CALCRL: variants seen among roughly 807,000 people sequenced by gnomAD.
The protein encoded by CALCRL is calcitonin gene-related peptide type 1 receptor.
Under a neutral mutation model 60.4 loss-of-function variants are expected in CALCRL, and 27 were observed. The ratio of observed to expected loss-of-function variants is 0.45; its 90% confidence interval spans 0.33 to 0.62. The LOEUF (loss-of-function observed/expected upper bound fraction) is 0.62, where lower values mean the gene tolerates loss of function less well. CALCRL is among the 20% of genes least tolerant of loss of function. The pLI is 0.03. For synonymous variants in CALCRL, 190 were observed against 182.6 expected (o/e 1.04, Z -0.33); for missense variants, 424 against 540.7 (o/e 0.78, Z 2.14).
At chr2:187,433,494 T>C (rs1460011781) in intron 1 of CALCRL, among the ~76,000 whole-genome samples, 1 of 152,072 alleles carries the variant, frequency 6.6e-6, no homozygotes, top group Non-Finnish European at 1.5e-5. Flanking sequence ...TTAAATTATG[T>C]ACTAAAATGG....
chr2:187,428,057 C>T (rs1690228058), intron 1 of CALCRL, among the ~76,000 whole-genome samples: 1 of 152,134 alleles, frequency 6.6e-6, no homozygotes, highest in Non-Finnish European at 1.5e-5. Context: ...CAACTATATA[C>T]ACTAAAGAAG....
At chr2:187,353,229 C>T (rs1040660857) in intron 12 of CALCRL, among the ~76,000 whole-genome samples, 2 of 151,888 alleles carry the variant, frequency 1.3e-5, no homozygotes, top group African/African-American at 4.8e-5. Flanking sequence ...TTTCTCTATG[C>T]CCATTCCTTA....
At chr2:187,366,377 A>G (rs1687294058) in intron 8 of CALCRL, among the ~76,000 whole-genome samples, 1 of 152,058 alleles carries the variant, frequency 6.6e-6, no homozygotes. Flanking sequence ...GATAGTAAAA[A>G]TTAGAAAAAA....
chr2:187,390,497 C>G (rs1688390264), intron 1 of CALCRL, among the ~76,000 whole-genome samples: 1 of 117,306 alleles, frequency 8.5e-6, no homozygotes, highest in African/African-American at 2.8e-5. Context: ...TTCCAAACCC[C>G]ACATATTTGA....
At chr2:187,362,214 T>A (rs189427977) in intron 9 of CALCRL, among the ~76,000 whole-genome samples, 69 of 152,166 alleles carry the variant, frequency 4.5e-4, no homozygotes, top group Admixed American at 8.5e-4. Flanking sequence ...ATTAAACACA[T>A]CTTTGCGTAC....
At chr2:187,418,439 A>G (rs1432004756) in intron 1 of CALCRL, among the ~76,000 whole-genome samples, 4 of 152,196 alleles carry the variant, frequency 2.6e-5, no homozygotes, top group Non-Finnish European at 5.9e-5. Flanking sequence ...TATCTACTTA[A>G]TGACACTGTA....
At chr2:187,401,353 A>G (rs1005945983) in intron 1 of CALCRL, among the ~76,000 whole-genome samples, 2 of 151,680 alleles carry the variant, frequency 1.3e-5, no homozygotes, top group Admixed American at 1.3e-4. Context: ...ACAGCATATC[A>G]TGCATGTAAA....
chr2:187,343,511 A>C lies in CALCRL; in HGVS notation c.*2673T>G, dbSNP rs949756540. 1 of 152,004 alleles carries C rather than the reference A, an allele frequency of 6.6e-6. No homozygotes were observed. Among genetic ancestry groups the C allele is most frequent in the African/African-American group, 2.4e-5 (1 of 41,426 alleles). The allele number at this position is 152,004 out of a possible 1,614,324, so 9.4% of individuals were successfully genotyped here. Reference sequence around the variant, plus strand: ...AAATACAGCACTACAGCCACCACTAATTCTATATACATTGGATTACATTTA... The same window carrying C: ...AAATACAGCACTACAGCCACCACTACTTCTATATACATTGGATTACATTTA... On this transcript the variant is annotated 3_prime_UTR_variant, in exon 15 of 15. Transcript: ENST00000392370.
chr2:187,433,733 T>G (rs1690500979), intron 1 of CALCRL, among the ~76,000 whole-genome samples: 1 of 152,036 alleles, frequency 6.6e-6, no homozygotes, highest in South Asian at 2.1e-4. Flanking sequence ...GTTGCCATGG[T>G]GAAATATAAC....
At chr2:187,442,620 A>G (rs1690971139) in intron 1 of CALCRL, among the ~76,000 whole-genome samples, 1 of 151,900 alleles carries the variant, frequency 6.6e-6, no homozygotes, top group Non-Finnish European at 1.5e-5. Context: ...AAAAATGGTC[A>G]AAAACAACTT....
At chr2:187,380,864 C>T in intron 5 of CALCRL, 77 bp from the exon 6 acceptor site, 1 of 1,115,000 alleles carries the variant, frequency 9.0e-7, no homozygotes, top group Non-Finnish European at 1.3e-6. Context: ...AAAGTGGTTT[C>T]ACACTGATGT....
rs1686148923 is a variant in CALCRL at position 187,343,085 on chromosome 2, T to C, written c.*3099A>G. The stretch of plus-strand genomic sequence containing the variant: ...GGAGTTTGCATCCATTGTAGTATAG[T>C]TGGATTTTTTTAGTTTGAAAAACAA... On this transcript the variant is annotated 3_prime_UTR_variant, in exon 15 of 15. Coordinates refer to ENST00000392370, the MANE Select transcript of CALCRL (RefSeq NM_005795.6). 6.6e-6 allele frequency: 1 copy of C among 151,522 alleles called. No individual in the cohort carries two copies. The highest frequency in any genetic ancestry group is 2.4e-5 in the African/African-American group (1 of 41,418). 9.4% of individuals were successfully genotyped at this position (151,522 alleles called of 1,614,324 possible).
intron 1 of CALCRL, among the ~76,000 whole-genome samples, chr2:187,405,000 G>A (rs889572193): frequency 6.6e-6 from 1 of 151,936 alleles, no homozygotes; most frequent in Non-Finnish European, 1.5e-5. Flanking sequence ...ACCAGCTGTG[G>A]AACTGCAGTA....
chr2:187,425,628 C>T (rs1157155052), intron 1 of CALCRL, among the ~76,000 whole-genome samples: 1 of 151,904 alleles, frequency 6.6e-6, no homozygotes, highest in Non-Finnish European at 1.5e-5. Context: ...ACTATATTTT[C>T]ATGATAAGAA....
chr2:187,355,635 A>G (rs1194395693), intron 12 of CALCRL, among the ~76,000 whole-genome samples: 1 of 152,006 alleles, frequency 6.6e-6, no homozygotes, highest in Non-Finnish European at 1.5e-5. Flanking sequence ...TCACATACAT[A>G]CACAAGCACA....
chr2:187,388,557 C>T (rs2105796570), intron 1 of CALCRL, among the ~76,000 whole-genome samples: 1 of 152,030 alleles, frequency 6.6e-6, no homozygotes, highest in South Asian at 2.1e-4. Flanking sequence ...ATTGTGGAGC[C>T]CTGAAAGTTC....
At chr2:187,392,273 C>T (rs1346101789) in intron 1 of CALCRL, among the ~76,000 whole-genome samples, 2 of 152,042 alleles carry the variant, frequency 1.3e-5, no homozygotes, top group Admixed American at 6.6e-5. Flanking sequence ...GAAATAACTT[C>T]GATTTTTACA....
At chr2:187,409,573 T>C (rs141563003) in intron 1 of CALCRL, among the ~76,000 whole-genome samples, 4 of 152,232 alleles carry the variant, frequency 2.6e-5, no homozygotes, top group African/African-American at 9.6e-5. Context: ...AAATGCTTAT[T>C]GAGCCACTGG....
At chr2:187,380,307 T>C (rs900676192) in intron 7 of CALCRL, among the ~76,000 whole-genome samples, 160 bp downstream of exon 7, 10 of 152,224 alleles carry the variant, frequency 6.6e-5, no homozygotes, top group Non-Finnish European at 1.5e-4. Context: ...AATAATTTTT[T>C]CCACGGATAT....
Sources: allele counts gnomAD v4.1 joint callset (sites outside exome capture counted in the v4.1 genomes callset), GRCh38; gene constraint gnomAD v4.1.1; transcripts MANE v1.5; gene names NCBI Gene and HGNC (gene_info 2026-07-23, HGNC 2026-07-21).